CCDC178: variants seen among roughly 807,000 people sequenced by gnomAD.
The protein encoded by CCDC178 is coiled-coil domain containing 178, also known as coiled-coil domain-containing protein 178.
In CCDC178, 126 loss-of-function variants were observed where a neutral mutation model predicts 117.4. The observed-to-expected ratio is 1.07, with a 90% CI of 0.93 to 1.24. The LOEUF is 1.24. Among genes scored for constraint, CCDC178 ranks in the 50% most tolerant of loss-of-function variants. CCDC178 has a pLI of 0.00. For missense variants in CCDC178, 1,030 were observed against 986.9 expected (o/e 1.04, Z -0.59); for synonymous variants, 283 against 313.4 (o/e 0.90, Z 1.02).
chr18:33,216,310 T>G (rs1184774264), intron 18 of CCDC178, among the ~76,000 whole-genome samples: 2 of 152,074 alleles, frequency 1.3e-5, no homozygotes, highest in Non-Finnish European at 2.9e-5. Flanking sequence ...CAAGGATATA[T>G]ATATTGTTCT....
intron 21 of CCDC178, among the ~76,000 whole-genome samples, chr18:33,063,771 C>T (rs915958729): frequency 3.9e-5 from 6 of 152,176 alleles, no homozygotes; most frequent in Non-Finnish European, 7.3e-5. Context: ...TGTATACCAC[C>T]TGGAGTTCTG....
At chr18:33,225,181 G>T (rs1244468038) in intron 16 of CCDC178, among the ~76,000 whole-genome samples, 3 of 150,404 alleles carry the variant, frequency 2.0e-5, no homozygotes, top group Non-Finnish European at 4.4e-5. Context: ...TAAATTTTTT[G>T]AGGCAGAGTC....
At chr18:33,376,144 G>A (rs1279210088) in intron 5 of CCDC178, among the ~76,000 whole-genome samples, 2 of 152,096 alleles carry the variant, frequency 1.3e-5, no homozygotes, top group Non-Finnish European at 2.9e-5. Context: ...CTGCTGATGA[G>A]TTTAAGGTGT....
intron 22 of CCDC178, among the ~76,000 whole-genome samples, chr18:32,968,866 T>G (rs1338603184): frequency 6.6e-6 from 1 of 152,010 alleles, no homozygotes; most frequent in Non-Finnish European, 1.5e-5. Context: ...GATTTTAAAT[T>G]TCTGTTGTGG....
Position 33,307,081 on chromosome 18 carries a change from G to A in CCDC178, c.1023-13769C>T, listed in dbSNP as rs570469522. ...CTCAGGCAGTTCTTTATAGCAGCATGAGAATGGACTAATACAGTAAATTGG... is the reference window on the plus strand; with the variant it reads ...CTCAGGCAGTTCTTTATAGCAGCATAAGAATGGACTAATACAGTAAATTGG... On this transcript the variant is annotated intron_variant, in intron 11 of 22. Transcript: ENST00000383096. Among the ~76,000 whole-genome samples, 3 of 152,274 alleles carry A rather than the reference G, an allele frequency of 2.0e-5. No individual in the cohort carries two copies. The South Asian group carries it at 6.2e-4, about 32-fold the overall frequency.
intron 2 of CCDC178, among the ~76,000 whole-genome samples, chr18:33,424,508 AC>A (rs1224107832): frequency 6.6e-6 from 1 of 152,154 alleles, no homozygotes; most frequent in Non-Finnish European, 1.5e-5. Flanking sequence ...GTAAGTTCAT[AC>A]TTGGTTCTAA....
At chr18:33,321,517 A>G (rs1159554321) in intron 11 of CCDC178, among the ~76,000 whole-genome samples, 1 of 152,150 alleles carries the variant, frequency 6.6e-6, no homozygotes, top group African/African-American at 2.4e-5. Context: ...ATTCAGCAAC[A>G]GTGACAAATA....
intron 20 of CCDC178, among the ~76,000 whole-genome samples, chr18:33,171,199 A>C (rs574086716): frequency 1.4e-4 from 21 of 152,342 alleles, no homozygotes; most frequent in Admixed American, 5.9e-4. Context: ...CTACTTCCTG[A>C]AAGCAAATAA....
intron 21 of CCDC178, among the ~76,000 whole-genome samples, chr18:33,091,729 G>A (rs944873050): frequency 6.6e-6 from 1 of 152,146 alleles, no homozygotes; most frequent in Non-Finnish European, 1.5e-5. Flanking sequence ...AAATAGGGAA[G>A]TACATAGGGG....
At chr18:32,954,920 TA>T (rs931241823) in intron 22 of CCDC178, among the ~76,000 whole-genome samples, 132 of 148,638 alleles carry the variant, frequency 8.9e-4, no homozygotes, top group African/African-American at 1.0e-3. Context: ...TACATCCACT[TA>T]AAAAAAAAAG....
chr18:33,242,046 T>G (rs1325744127), intron 15 of CCDC178, among the ~76,000 whole-genome samples: 2 of 151,834 alleles, frequency 1.3e-5, no homozygotes, highest in Non-Finnish European at 2.9e-5. Context: ...AAAGATAGCA[T>G]GGTACTGGCA....
chr18:33,350,596 A>T (rs1352434688), intron 7 of CCDC178, among the ~76,000 whole-genome samples: 1 of 152,194 alleles, frequency 6.6e-6, no homozygotes, highest in Non-Finnish European at 1.5e-5. Flanking sequence ...TGCAGTATGT[A>T]GAAGAATTTT....
intron 20 of CCDC178, among the ~76,000 whole-genome samples, chr18:33,095,748 G>T (rs2057532140): frequency 6.6e-6 from 1 of 151,406 alleles, no homozygotes; most frequent in Non-Finnish European, 1.5e-5. Flanking sequence ...TATACTATTT[G>T]ATACTGTACT....
At chr18:33,255,953 TG>T (rs1468585005) in intron 14 of CCDC178, among the ~76,000 whole-genome samples, 1 of 142,294 alleles carries the variant, frequency 7.0e-6, no homozygotes, top group African/African-American at 2.6e-5. Flanking sequence ...CACAAATGCT[TG>T]GGTAACATGT....
chr18:33,258,138 C>T (rs1368145526), intron 14 of CCDC178, among the ~76,000 whole-genome samples: 1 of 151,986 alleles, frequency 6.6e-6, no homozygotes, highest in East Asian at 1.9e-4. Context: ...CACCAAAGTC[C>T]ATCCATCACT....
Position 33,223,154 on chromosome 18 carries a change from T to C in CCDC178, c.1884A>G (p.Lys628=), listed in dbSNP as rs1409652221. 5.0e-6 allele frequency: 8 copies of C among 1,607,688 alleles called. No individual in the cohort carries two copies. The highest frequency in any genetic ancestry group is 6.8e-6 in the Non-Finnish European group (8 of 1,176,110). The change falls in exon 18 of 23, where the codon AAA becomes AAG. Residue 628 remains lysine (K), a synonymous_variant. Coordinates refer to ENST00000383096, the MANE Select transcript of CCDC178 (RefSeq NM_001105528.4). ...GGGTTTTCTTCCCCTTTTTTCGTAA[T>C]TTTTTCTTTACTTTTCCCACCTTTC... ...IRRKVGKVKK[K]LRKKGKKTLD...
chr18:33,398,426 A>G (rs2063668237), intron 3 of CCDC178, among the ~76,000 whole-genome samples: 1 of 152,198 alleles, frequency 6.6e-6, no homozygotes, highest in Admixed American at 6.5e-5. Context: ...TATAAAATTG[A>G]GATTTGTGCT....
intron 5 of CCDC178, among the ~76,000 whole-genome samples, chr18:33,376,983 G>T (rs543603244): frequency 6.6e-6 from 1 of 152,260 alleles, no homozygotes; most frequent in Admixed American, 6.5e-5. Context: ...AGGATTGCTG[G>T]GTTGAATGCT....
intron 21 of CCDC178, among the ~76,000 whole-genome samples, chr18:33,076,308 C>CT (rs2057206767): frequency 6.6e-6 from 1 of 152,162 alleles, no homozygotes; most frequent in Non-Finnish European, 1.5e-5. Flanking sequence ...AGAAAGATCC[C>CT]ATCCACGTTA....
Sources: gnomAD v4.1 joint callset for allele counts (sites outside exome capture counted in the v4.1 genomes callset) on GRCh38, gnomAD v4.1.1 for gene constraint, MANE v1.5 for transcripts, NCBI Gene and HGNC (gene_info 2026-07-23, HGNC 2026-07-21) for gene names.